Variants in BTRC observed in about 807,000 individuals in gnomAD.
BTRC encodes the protein F-box/WD repeat-containing protein 1A.
In BTRC, 42 loss-of-function variants were observed where a neutral mutation model predicts 85.5. The observed-to-expected ratio is 0.49, with a 90% confidence interval of 0.38 to 0.64. The LOEUF is 0.64. Ranked by LOEUF, BTRC falls within the 30% of genes least tolerant of loss-of-function variation. BTRC has a pLI of 0.00. For missense variants in BTRC, 594 were observed against 743.5 expected, an observed-to-expected ratio of 0.80 and a Z score of 2.34; for synonymous variants, 255 against 263.3, an observed-to-expected ratio of 0.97 and a Z score of 0.30.
chr10:101,489,461 C>T (rs532024741), intron 4 of BTRC, among the ~76,000 whole-genome samples: 66 of 152,208 alleles, frequency 4.3e-4, no homozygotes, highest in African/African-American at 1.5e-3. Context: ...TCTCCTCTCT[C>T]GTTTGACAGT....
At chr10:101,408,963 C>T (rs965846922) in intron 1 of BTRC, among the ~76,000 whole-genome samples, 2 of 152,148 alleles carry the variant, frequency 1.3e-5, no homozygotes, top group African/African-American at 2.4e-5. Flanking sequence ...GCAGGGCAAT[C>T]GCTTGAACCG....
chr10:101,381,720 A>G (rs2133960655), intron 1 of BTRC, among the ~76,000 whole-genome samples: 1 of 152,198 alleles, frequency 6.6e-6, no homozygotes, highest in South Asian at 2.1e-4. Flanking sequence ...CCTCACCTGA[A>G]TTATCTAATT....
chr10:101,547,317 A>G (rs1169142940), intron 13 of BTRC, among the ~76,000 whole-genome samples: 1 of 142,886 alleles, frequency 7.0e-6, no homozygotes, highest in Non-Finnish European at 1.5e-5. Context: ...ATAAGTAAAT[A>G]TATGGTTTTT....
At chr10:101,418,268 T>TA in intron 1 of BTRC, among the ~76,000 whole-genome samples, 1 of 152,150 alleles carries the variant, frequency 6.6e-6, no homozygotes, top group Non-Finnish European at 1.5e-5. Flanking sequence ...CTCAGGAGGC[T>TA]GAGGCAGGAG....
At chr10:101,474,001 T>C (rs941138157) in intron 3 of BTRC, among the ~76,000 whole-genome samples, 8 of 152,210 alleles carry the variant, frequency 5.3e-5, no homozygotes, top group African/African-American at 1.9e-4. Context: ...GTTTATTCAT[T>C]GTGATCATAT....
intron 4 of BTRC, among the ~76,000 whole-genome samples, chr10:101,519,998 A>G (rs1405982938): frequency 6.6e-6 from 1 of 152,074 alleles, no homozygotes; most frequent in African/African-American, 2.4e-5. Flanking sequence ...TCTGTCTCAA[A>G]ACAAACAAAC....
intron 1 of BTRC, among the ~76,000 whole-genome samples, chr10:101,387,528 C>CTTTTTTTTTTTTTTTTTTT (rs535656002): frequency 0.029 from 1,322 of 44,928 alleles, 299 homozygotes; most frequent in Admixed American, 0.035. Flanking sequence ...CTTCATGGGA[C>CTTTTTTTTTTTTTTTTTTT]TTTTTTTTTT....
intron 1 of BTRC, among the ~76,000 whole-genome samples, chr10:101,394,391 G>T (rs1476985320): frequency 6.6e-6 from 1 of 152,140 alleles, no homozygotes; most frequent in Non-Finnish European, 1.5e-5. Flanking sequence ...CATTGAAAAA[G>T]TATTCTTTTT....
At chr10:101,377,024 A>T (rs892411602) in intron 1 of BTRC, among the ~76,000 whole-genome samples, 3 of 152,164 alleles carry the variant, frequency 2.0e-5, no homozygotes, top group African/African-American at 7.2e-5. Context: ...TGTAAACCAC[A>T]ATCAGGATAA....
At chr10:101,523,448 C>G (rs2062149183) in intron 5 of BTRC, among the ~76,000 whole-genome samples, 3 of 151,916 alleles carry the variant, frequency 2.0e-5, no homozygotes, top group Non-Finnish European at 2.9e-5. Flanking sequence ...AAATAGGAGT[C>G]TTGTGTATTC....
intron 13 of BTRC, among the ~76,000 whole-genome samples, chr10:101,544,964 GA>G (rs1329496182): frequency 2.0e-5 from 3 of 151,510 alleles, no homozygotes; most frequent in Admixed American, 2.0e-4. Flanking sequence ...GAGGTGTGAG[GA>G]TCATATGAGT....
At chr10:101,472,272 TTCCTC>T (rs1211629335) in intron 3 of BTRC, among the ~76,000 whole-genome samples, 1 of 48,982 alleles carries the variant, frequency 2.0e-5, no homozygotes, top group Non-Finnish European at 6.9e-5. Context: ...TTCTTTTCTT[TTCCTC>T]TCTTCTCTTC....
chr10:101,412,959 C>A (rs1943822717), intron 1 of BTRC, among the ~76,000 whole-genome samples: 1 of 152,122 alleles, frequency 6.6e-6, no homozygotes, highest in African/African-American at 2.4e-5. Context: ...AATGATAACC[C>A]TTTCATTGAA....
chr10:101,472,151 A>G (rs1314211252), intron 3 of BTRC, among the ~76,000 whole-genome samples: 1 of 152,198 alleles, frequency 6.6e-6, no homozygotes, highest in Non-Finnish European at 1.5e-5. Flanking sequence ...ATTAGTTCAC[A>G]TTGATAACTC....
chr10:101,525,833 G>GA (rs2062183069), intron 5 of BTRC, among the ~76,000 whole-genome samples, 180 bp from the exon 6 acceptor site: 2 of 152,046 alleles, frequency 1.3e-5, no homozygotes, highest in Non-Finnish European at 1.5e-5. Flanking sequence ...TAACCTTATG[G>GA]AAAAATTATT....
At chr10:101,523,707 A>G (rs1162545035) in intron 5 of BTRC, among the ~76,000 whole-genome samples, 3 of 152,152 alleles carry the variant, frequency 2.0e-5, no homozygotes, top group South Asian at 2.1e-4. Context: ...TAAAGCTTTG[A>G]TCATAAATGT....
intron 3 of BTRC, among the ~76,000 whole-genome samples, chr10:101,476,198 C>T (rs1046488334): frequency 1.3e-5 from 2 of 151,710 alleles, no homozygotes; most frequent in Admixed American, 6.6e-5. Flanking sequence ...TGCTGTTTAG[C>T]AGTGTCAGTC....
chr10:101,449,908 C>A (rs1944917023), intron 2 of BTRC, among the ~76,000 whole-genome samples: 1 of 151,022 alleles, frequency 6.6e-6, no homozygotes, highest in Non-Finnish European at 1.5e-5. Flanking sequence ...GCTTTGCAAG[C>A]CTGTTTGGGA....
intron 13 of BTRC, among the ~76,000 whole-genome samples, chr10:101,538,694 A>G (rs1340238511): frequency 6.6e-6 from 1 of 152,158 alleles, no homozygotes; most frequent in Admixed American, 6.5e-5. Flanking sequence ...GAGAGAGAAT[A>G]TAATTATTCA....
Sources: allele counts gnomAD v4.1 joint callset (sites outside exome capture counted in the v4.1 genomes callset), GRCh38; gene constraint gnomAD v4.1.1; transcripts MANE v1.5; gene names NCBI Gene and HGNC (gene_info 2026-07-23, HGNC 2026-07-21).